The following DPRX variants were observed in gnomAD, a reference collection of about 807,000 sequenced individuals.
DPRX encodes divergent-paired related homeobox, also known as divergent paired-related homeobox.
Under a neutral mutation model 8.4 loss-of-function variants are expected in DPRX, and 11 were observed. The observed-to-expected ratio is 1.31, with a 90% confidence interval of 0.82 to 2.17. The LOEUF (loss-of-function observed/expected upper bound fraction) is 2.17, where lower values mean the gene tolerates loss of function less well. DPRX is among the 30% of genes most tolerant of loss of function. The probability of loss-of-function intolerance (pLI) is 0.00; values close to 1 mark genes in which losing one functional copy is unlikely to be tolerated. For missense variants in DPRX, 211 were observed against 236.7 expected, an observed-to-expected ratio of 0.89 and a Z score of 0.71; for synonymous variants, 72 against 87.0, an observed-to-expected ratio of 0.83 and a Z score of 0.96.
At chr19:53,613,597 G>C in the DPRX span, among the ~76,000 whole-genome samples, 41,087 of 150,892 alleles carry the variant, frequency 0.27, 5,848 homozygotes, top group East Asian at 0.37. Context: ...TGACCCCAAG[G>C]GATCTGCCCA....
At chr19:53,612,922 C>T in the DPRX span, among the ~76,000 whole-genome samples, 2 of 152,026 alleles carry the variant, frequency 1.3e-5, no homozygotes, top group Non-Finnish European at 2.9e-5. Flanking sequence ...AGGGCAGAAG[C>T]CTCTCTGGAA....
At chr19:53,633,970 G>A (rs1345476089) in intron 1 of DPRX, among the ~76,000 whole-genome samples, 1 of 152,170 alleles carries the variant, frequency 6.6e-6, no homozygotes, top group African/African-American at 2.4e-5. Context: ...AAAAAGGATG[G>A]AGGAACCAAG....
upstream of DPRX, among the ~76,000 whole-genome samples, chr19:53,631,457 C>G (rs1001876060): frequency 6.6e-6 from 1 of 152,068 alleles, no homozygotes; most frequent in Non-Finnish European, 1.5e-5. Context: ...ATCACATTCC[C>G]GGTCCCCATT....
the DPRX span, among the ~76,000 whole-genome samples, chr19:53,609,888 G>A: frequency 6.6e-6 from 1 of 152,064 alleles, no homozygotes; most frequent in Non-Finnish European, 1.5e-5. Flanking sequence ...GGGAGGCTGA[G>A]GAAGGAGAAT....
chr19:53,631,459 G>T (rs2091092383), upstream of DPRX, among the ~76,000 whole-genome samples: 1 of 152,022 alleles, frequency 6.6e-6, no homozygotes, highest in Non-Finnish European at 1.5e-5. Flanking sequence ...CACATTCCCG[G>T]TCCCCATTAC....
chr19:53,624,767 G>C, the DPRX span, among the ~76,000 whole-genome samples: 1 of 150,244 alleles, frequency 6.7e-6, no homozygotes, highest in Non-Finnish European at 1.5e-5. Flanking sequence ...GCTTGAACCC[G>C]GGAGACGGGC....
chr19:53,634,727 T>G lies in DPRX; in HGVS notation c.183+42T>G, dbSNP rs528112115. The G allele has an allele frequency of 2.5e-5, 39 of 1,588,096 alleles. No individual in the cohort carries two copies. In the South Asian group the frequency reaches 4.3e-4, roughly 17 times the overall value. On this transcript the variant is annotated intron_variant, in intron 2 of 2. Coordinates refer to ENST00000376650, the Ensembl canonical transcript of DPRX. ...TCTTCTCACTAAACTGCCTTCCTGATCTAATCTAAATTCAGAGTCCCTCTA... is the reference window on the plus strand; with the variant it reads ...TCTTCTCACTAAACTGCCTTCCTGAGCTAATCTAAATTCAGAGTCCCTCTA...
the DPRX span, among the ~76,000 whole-genome samples, chr19:53,626,717 G>C: frequency 6.6e-6 from 1 of 152,090 alleles, no homozygotes; most frequent in South Asian, 2.1e-4. Flanking sequence ...CAAGCACTCT[G>C]TTCGACATCT....
chr19:53,602,270 GTGTGTGTGT>G, the DPRX span: 48 of 99,232 alleles, frequency 4.8e-4, no homozygotes, highest in South Asian at 1.9e-3. Flanking sequence ...GGGTATGGGT[GTGTGTGTGT>G]GTGTGTGTGT....
chr19:53,627,040 A>C, the DPRX span, among the ~76,000 whole-genome samples: 585 of 152,072 alleles, frequency 3.8e-3, 2 homozygotes, highest in South Asian at 8.1e-3. Context: ...TCTTTAGGAC[A>C]CCAATTTAAT....
chr19:53,622,372 C>A, the DPRX span, among the ~76,000 whole-genome samples: 1 of 152,080 alleles, frequency 6.6e-6, no homozygotes, highest in East Asian at 1.9e-4. Flanking sequence ...CGTGGTGGTT[C>A]ATGCCTACAA....
chr19:53,617,858 A>T, the DPRX span, among the ~76,000 whole-genome samples: 1 of 151,974 alleles, frequency 6.6e-6, no homozygotes, highest in African/African-American at 2.4e-5. Flanking sequence ...AGAAAATACA[A>T]GCCAGGCGCG....
upstream of DPRX, among the ~76,000 whole-genome samples, chr19:53,631,373 A>AT (rs1257792006): frequency 6.6e-6 from 1 of 152,142 alleles, no homozygotes; most frequent in East Asian, 1.9e-4. Flanking sequence ...TGCCAAGCAT[A>AT]TATTAGCCAC....
chr19:53,603,022 T>C, the DPRX span, among the ~76,000 whole-genome samples: 1 of 145,470 alleles, frequency 6.9e-6, no homozygotes, highest in African/African-American at 2.5e-5. Context: ...TGTGTGTATA[T>C]ATGTGTGTGT....
chr19:53,634,754 GAT>G, intron 2 of DPRX, 69 bp downstream of exon 2: 1 of 1,537,450 alleles, frequency 6.5e-7, no homozygotes, highest in Non-Finnish European at 8.8e-7. Context: ...GTCCCTCTAG[GAT>G]AATTCCTGAG....
the DPRX span, among the ~76,000 whole-genome samples, chr19:53,605,198 AGAGT>A: frequency 8.9e-4 from 136 of 152,260 alleles, no homozygotes; most frequent in African/African-American, 2.7e-3. Flanking sequence ...GGCATGGGTA[AGAGT>A]GAGATCCTGT....
At chr19:53,602,156 C>G in the DPRX span, 1 of 456,208 alleles carries the variant, frequency 2.2e-6, no homozygotes, top group South Asian at 1.6e-5. Context: ...GCATGGACAG[C>G]AGGACAACTG....
At chr19:53,625,101 C>T in the DPRX span, among the ~76,000 whole-genome samples, 306 of 132,546 alleles carry the variant, frequency 2.3e-3, 1 homozygote, top group African/African-American at 8.2e-3. Context: ...CTCGCTCTGT[C>T]GCCCAGCCTA....
At chr19:53,613,300 G>A in the DPRX span, among the ~76,000 whole-genome samples, 1 of 152,004 alleles carries the variant, frequency 6.6e-6, no homozygotes, top group African/African-American at 2.4e-5. Context: ...GCTCACATAT[G>A]GGGTCCAAGA....
Sources: gnomAD v4.1 joint callset for allele counts (sites outside exome capture counted in the v4.1 genomes callset) on GRCh38, gnomAD v4.1.1 for gene constraint, MANE v1.5 for transcripts, NCBI Gene and HGNC (gene_info 2026-07-23, HGNC 2026-07-21) for gene names.